CNOT10: variants seen among roughly 807,000 people sequenced by gnomAD.
CNOT10 encodes the protein CCR4-NOT transcription complex, subunit 10.
A neutral mutation model predicts 94.6 loss-of-function variants in CNOT10; 30 were observed. The ratio of observed to expected loss-of-function variants is 0.32; its 90% CI spans 0.24 to 0.43. The LOEUF (loss-of-function observed/expected upper bound fraction) is 0.43. CNOT10 is among the 20% of genes least tolerant of loss of function. The pLI, the probability that CNOT10 is intolerant of heterozygous loss-of-function variation, is 1.00. For synonymous variants in CNOT10, 289 were observed against 301.6 expected (o/e 0.96, Z 0.43); for missense variants, 759 against 877.2 (o/e 0.87, Z 1.70).
intron 1 of CNOT10, chr3:32,695,621 T>C: frequency 6.5e-7 from 1 of 1,535,622 alleles, no homozygotes; most frequent in Non-Finnish European, 8.7e-7. Flanking sequence ...ATTGTTTATT[T>C]AGAAATGAAG....
At chr3:32,694,077 C>T (rs1361016995) in intron 1 of CNOT10, among the ~76,000 whole-genome samples, 1 of 150,792 alleles carries the variant, frequency 6.6e-6, no homozygotes, top group Middle Eastern at 3.2e-3. Context: ...AGCAATTATA[C>T]TTAAAATTGA....
At chr3:32,689,733 C>A (rs948898839) in intron 1 of CNOT10, among the ~76,000 whole-genome samples, 1 of 151,994 alleles carries the variant, frequency 6.6e-6, no homozygotes, top group Non-Finnish European at 1.5e-5. Flanking sequence ...GTGGGAGAAT[C>A]GCTTGAGGCC....
In CNOT10 at chr3:32,764,696, C is replaced by T. The variant is rs762156167; in HGVS notation, c.1891C>T (p.Pro631Ser). 6 of 1,613,940 alleles carry T rather than the reference C, an allele frequency of 3.7e-6. No homozygotes were observed. Among genetic ancestry groups the T allele is most frequent in the African/African-American group, 2.7e-5 (2 of 74,904 alleles). Reference sequence around the variant, plus strand: ...TTTTTCCCCAGCTGGTAAGCGGGCCCCTCAGTGCTACCCCAGTTCCGTCAA... The same window carrying T: ...TTTTTCCCCAGCTGGTAAGCGGGCCTCTCAGTGCTACCCCAGTTCCGTCAA... The part of the protein sequence containing the change: ...EAMESSGKRA[P>S]QCYPSSVNSA... The change falls in exon 17 of 19, where the codon CCT (proline) becomes TCT (serine). Residue 631 changes from proline to serine, a missense_variant. Pro to Ser is a moderately conservative substitution (Grantham distance 74, BLOSUM62 -1). Around this residue, in one of 3 missense-constraint regions of CNOT10, gnomAD observed 682 missense variants for 799.4 expected, o/e 0.85. Transcript: ENST00000328834.
chr3:32,695,966 A>AGTGTGTGTGTGTGTGTGTGTGT (rs1374247638), intron 1 of CNOT10: 1 of 606,604 alleles, frequency 1.6e-6, no homozygotes, highest in Non-Finnish European at 2.7e-6. Context: ...CCTGTTGAAG[A>AGTGTGTGTGTGTGTGTGTGTGT]GAGTGTGTGT....
At chr3:32,746,752 G>T (rs1699716601) in intron 13 of CNOT10, among the ~76,000 whole-genome samples, 2 of 150,940 alleles carry the variant, frequency 1.3e-5, no homozygotes, top group Non-Finnish European at 2.9e-5. Flanking sequence ...CAGGAGAATG[G>T]TGTGTACCCA....
chr3:32,749,078 T>C (rs922554615), intron 13 of CNOT10, among the ~76,000 whole-genome samples: 2 of 152,308 alleles, frequency 1.3e-5, no homozygotes, highest in Middle Eastern at 3.4e-3. Context: ...TGCCTCGGCC[T>C]CCCAAAGTGC....
intron 3 of CNOT10, among the ~76,000 whole-genome samples, chr3:32,705,198 A>G (rs573440116): frequency 2.2e-4 from 33 of 152,328 alleles, no homozygotes; most frequent in Non-Finnish European, 4.1e-4. Context: ...GAATAGACTA[A>G]TATACCAAAT....
intron 18 of CNOT10, 23 bp downstream of exon 18, chr3:32,769,985 G>A (rs779021438): frequency 1.3e-6 from 2 of 1,588,326 alleles, no homozygotes; most frequent in South Asian, 2.2e-5. Flanking sequence ...CTCTGTTTAG[G>A]ACTTTATCCC....
intron 7 of CNOT10, 116 bp from the exon 8 acceptor site, chr3:32,719,998 G>A (rs1298518329): frequency 9.5e-5 from 47 of 494,506 alleles, no homozygotes; most frequent in South Asian, 3.2e-4. Flanking sequence ...AATTTTTTGT[G>A]ACTGACTTAA....
chr3:32,723,126 G>A (rs1164930766), intron 8 of CNOT10, among the ~76,000 whole-genome samples: 2 of 152,156 alleles, frequency 1.3e-5, no homozygotes, highest in Admixed American at 1.3e-4. Flanking sequence ...GGGCACGGTG[G>A]CTCACACCTG....
intron 4 of CNOT10, among the ~76,000 whole-genome samples, chr3:32,710,337 G>T (rs1352108685): frequency 1.3e-5 from 2 of 150,312 alleles, no homozygotes; most frequent in Non-Finnish European, 3.0e-5. Flanking sequence ...TTTAGAGAAG[G>T]TTTAGATTTA....
chr3:32,764,781 A>G lies in CNOT10; in HGVS notation c.1976A>G (p.Tyr659Cys). ...AGCGCTTACTGCCTGAGGAGCGAAT[A>G]TGACAAAGCCCGAAAGTGTCTCCAC... ...LGSAYCLRSEYDKARKCLHQA... is the reference protein window; with the variant it reads ...LGSAYCLRSECDKARKCLHQA... The change falls in exon 17 of 19, where the codon TAT (tyrosine) becomes TGT (cysteine). Residue 659 changes from tyrosine (Y) to cysteine (C), a missense_variant. Around this residue, in one of 3 missense-constraint regions of CNOT10, gnomAD observed 682 missense variants for 799.4 expected, o/e 0.85. Coordinates refer to ENST00000328834, the MANE Select transcript of CNOT10 (RefSeq NM_015442.3). 1 of 1,614,218 alleles carries G rather than the reference A, an allele frequency of 6.2e-7. No homozygotes were observed. The highest frequency in any genetic ancestry group is 8.5e-7 in the Non-Finnish European group (1 of 1,180,032).
At chr3:32,753,775 G>C in intron 13 of CNOT10, 1 of 1,601,942 alleles carries the variant, frequency 6.2e-7, no homozygotes. Flanking sequence ...TTCTGATGAA[G>C]TGAAATGTGC....
intron 13 of CNOT10, among the ~76,000 whole-genome samples, chr3:32,754,489 A>AAAATATATATATATATAT (rs77878221): frequency 2.8e-5 from 2 of 70,216 alleles, no homozygotes; most frequent in Non-Finnish European, 4.5e-5. Context: ...AAAAAAAAAA[A>AAAATATATATATATATAT]ATACATATAT....
intron 1 of CNOT10, among the ~76,000 whole-genome samples, chr3:32,703,264 A>T (rs1389862073): frequency 6.6e-6 from 1 of 151,894 alleles, no homozygotes; most frequent in Non-Finnish European, 1.5e-5. Context: ...AACTTTGGCC[A>T]CTTTATTAGG....
intron 18 of CNOT10, among the ~76,000 whole-genome samples, chr3:32,772,302 T>C (rs1214882008): frequency 6.6e-6 from 1 of 150,618 alleles, no homozygotes; most frequent in East Asian, 2.0e-4. Flanking sequence ...TGAGCCGAGA[T>C]CGTGCCACTG....
At chr3:32,734,163 TTTAG>T (rs1329388575) in intron 11 of CNOT10, among the ~76,000 whole-genome samples, 2 of 152,228 alleles carry the variant, frequency 1.3e-5, no homozygotes, top group Non-Finnish European at 2.9e-5. Flanking sequence ...TTAGTCTTAA[TTTAG>T]TTAAACTATA....
At chr3:32,698,091 T>G (rs1463392691) in intron 1 of CNOT10, among the ~76,000 whole-genome samples, 1 of 152,226 alleles carries the variant, frequency 6.6e-6, no homozygotes, top group East Asian at 1.9e-4. Context: ...CTGACAGTTC[T>G]GCAAAACACA....
At chr3:32,689,301 C>T (rs558306885) in intron 1 of CNOT10, among the ~76,000 whole-genome samples, 4 of 145,836 alleles carry the variant, frequency 2.7e-5, no homozygotes, top group Non-Finnish European at 6.0e-5. Context: ...TGCAGTGAGC[C>T]AAGATCGTGC....
Sources: allele counts gnomAD v4.1 joint callset (sites outside exome capture counted in the v4.1 genomes callset), GRCh38; gene constraint gnomAD v4.1.1; regional missense constraint gnomAD v4.1.1; transcripts MANE v1.5; gene names NCBI Gene and HGNC (gene_info 2026-07-23, HGNC 2026-07-21).